The following SPAG16 variants were observed in gnomAD, a reference collection of about 807,000 sequenced individuals.
The protein encoded by SPAG16 is sperm-associated antigen 16 protein.
A neutral mutation model predicts 80.4 loss-of-function variants in SPAG16; 86 were observed. The ratio of observed to expected loss-of-function variants is 1.07; its 90% CI spans 0.90 to 1.28. The LOEUF (loss-of-function observed/expected upper bound fraction) is 1.28. Among genes scored for constraint, SPAG16 ranks in the 50% most tolerant of loss-of-function variants. SPAG16 has a pLI of 0.00. For missense variants in SPAG16, 870 were observed against 765.3 expected (o/e 1.14, Z -1.61); for synonymous variants, 294 against 265.9 (o/e 1.11, Z -1.03).
intron 10 of SPAG16, among the ~76,000 whole-genome samples, chr2:213,651,661 T>C (rs1243090802): frequency 6.6e-6 from 1 of 152,206 alleles, no homozygotes; most frequent in Non-Finnish European, 1.5e-5. Flanking sequence ...AAAATGTCTC[T>C]GTGGTTCACT....
intron 15 of SPAG16, among the ~76,000 whole-genome samples, chr2:214,271,854 A>C (rs199860280): frequency 2.3e-4 from 21 of 90,862 alleles, no homozygotes; most frequent in Non-Finnish European, 4.3e-4. Flanking sequence ...CCCCCCCCCA[A>C]AAAAAAAGAA....
chr2:213,581,693 G>A (rs2060303449), intron 10 of SPAG16, among the ~76,000 whole-genome samples: 1 of 152,086 alleles, frequency 6.6e-6, no homozygotes, highest in African/African-American at 2.4e-5. Flanking sequence ...AGCTAAAAAG[G>A]AGCCTTTCAC....
At chr2:214,404,193 AAAAGC>A (rs1232889170) in intron 15 of SPAG16, among the ~76,000 whole-genome samples, 1 of 152,136 alleles carries the variant, frequency 6.6e-6, no homozygotes, top group Non-Finnish European at 1.5e-5. Flanking sequence ...TAGAGATCTT[AAAAGC>A]CATGCTAAGA....
At chr2:213,966,667 A>G (rs1316404318) in intron 12 of SPAG16, among the ~76,000 whole-genome samples, 2 of 152,326 alleles carry the variant, frequency 1.3e-5, no homozygotes, top group Admixed American at 6.5e-5. Flanking sequence ...ATATATGTCT[A>G]TAATAATTAG....
At chr2:214,099,541 T>G (rs970395559) in intron 13 of SPAG16, among the ~76,000 whole-genome samples, 1 of 152,046 alleles carries the variant, frequency 6.6e-6, no homozygotes, top group East Asian at 1.9e-4. Flanking sequence ...ACAATAATAA[T>G]AAAATGCATA....
At chr2:213,969,418 C>T (rs1028718838) in intron 12 of SPAG16, among the ~76,000 whole-genome samples, 1 of 152,076 alleles carries the variant, frequency 6.6e-6, no homozygotes, top group Non-Finnish European at 1.5e-5. Context: ...GATATTGAAA[C>T]GTAGTCCCAA....
At chr2:213,471,696 G>A (rs1025819532) in intron 9 of SPAG16, among the ~76,000 whole-genome samples, 6 of 152,178 alleles carry the variant, frequency 3.9e-5, no homozygotes, top group African/African-American at 1.4e-4. Flanking sequence ...AGCTTGCACA[G>A]CATCCTTGAT....
At chr2:213,898,836 A>G (rs1418086425) in intron 11 of SPAG16, among the ~76,000 whole-genome samples, 2 of 152,162 alleles carry the variant, frequency 1.3e-5, no homozygotes, top group Non-Finnish European at 2.9e-5. Context: ...TCCTGAAATA[A>G]ACTGATCTTA....
At chr2:213,374,177 T>C (rs2125197073) in intron 8 of SPAG16, among the ~76,000 whole-genome samples, 1 of 152,290 alleles carries the variant, frequency 6.6e-6, no homozygotes, top group Admixed American at 6.5e-5. Context: ...TAGAAAAAAT[T>C]AGTCAGAAAA....
At chr2:213,710,097 G>T (rs1559397662) in intron 10 of SPAG16, among the ~76,000 whole-genome samples, 2 of 152,038 alleles carry the variant, frequency 1.3e-5, no homozygotes, top group Non-Finnish European at 2.9e-5. Flanking sequence ...TGGCTAACAT[G>T]GTGAAACCTC....
At chr2:213,302,622 G>T (rs370817272) in intron 3 of SPAG16, 7 of 64,874 alleles carry the variant, frequency 1.1e-4, no homozygotes, top group Non-Finnish European at 1.9e-4. Context: ...GCTTGGAAGG[G>T]GTGTGTGTGT....
At chr2:213,380,253 C>T (rs1428706495) in intron 9 of SPAG16, among the ~76,000 whole-genome samples, 2 of 152,194 alleles carry the variant, frequency 1.3e-5, no homozygotes, top group African/African-American at 4.8e-5. Context: ...CACTGTCTTT[C>T]AGGGATGTCC....
intron 12 of SPAG16, among the ~76,000 whole-genome samples, chr2:214,008,466 TG>T (rs1193372263): frequency 1.3e-5 from 2 of 152,060 alleles, no homozygotes; most frequent in African/African-American, 4.8e-5. Flanking sequence ...ATGCTGGGGC[TG>T]GGTGTAGTGG....
chr2:214,389,258 A>C (rs1489290589), intron 15 of SPAG16, among the ~76,000 whole-genome samples: 1 of 152,238 alleles, frequency 6.6e-6, no homozygotes, highest in Non-Finnish European at 1.5e-5. Flanking sequence ...AAAAGAAATT[A>C]AGGCAAATTC....
chr2:213,320,575 T>G (rs547787408), intron 5 of SPAG16, among the ~76,000 whole-genome samples: 2 of 151,980 alleles, frequency 1.3e-5, no homozygotes, highest in Non-Finnish European at 2.9e-5. Flanking sequence ...GTTCCCCACA[T>G]ACTTCCCAGC....
At chr2:214,054,198 C>CG (rs1490193583) in intron 13 of SPAG16, among the ~76,000 whole-genome samples, 1 of 152,006 alleles carries the variant, frequency 6.6e-6, no homozygotes, top group Non-Finnish European at 1.5e-5. Flanking sequence ...TTAGTATAGA[C>CG]GGGGTTTTGC....
chr2:214,302,727 C>A (rs1694642676), intron 15 of SPAG16, among the ~76,000 whole-genome samples: 1 of 152,202 alleles, frequency 6.6e-6, no homozygotes. Flanking sequence ...AAGTGATCCA[C>A]CTGCCTCAGC....
chr2:213,310,526 A>G (rs956511752), intron 4 of SPAG16, among the ~76,000 whole-genome samples: 3 of 151,994 alleles, frequency 2.0e-5, no homozygotes, highest in African/African-American at 7.2e-5. Context: ...ATATTTTTGT[A>G]TAATTATTGA....
At chr2:213,928,898 T>C (rs1269725210) in intron 11 of SPAG16, among the ~76,000 whole-genome samples, 1 of 99,572 alleles carries the variant, frequency 1.0e-5, no homozygotes, top group Non-Finnish European at 2.2e-5. Flanking sequence ...TTCTTGCAGC[T>C]GATGTTACAC....
Sources: allele counts gnomAD v4.1 joint callset (sites outside exome capture counted in the v4.1 genomes callset), GRCh38; gene constraint gnomAD v4.1.1; transcripts MANE v1.5; gene names NCBI Gene and HGNC (gene_info 2026-07-23, HGNC 2026-07-21).